The following FTCDNL1 variants were observed in gnomAD, a reference collection of about 807,000 sequenced individuals.
The protein encoded by FTCDNL1 is formiminotransferase N-terminal subdomain-containing protein.
A neutral mutation model predicts 5.9 loss-of-function variants in FTCDNL1; 11 were observed. The ratio of observed to expected loss-of-function variants is 1.87; its 90% CI spans 1.18 to 3.10. The LOEUF (loss-of-function observed/expected upper bound fraction) is 3.10. Among genes scored for constraint, FTCDNL1 ranks in the 30% most tolerant of loss-of-function variants. The pLI is 0.00. For synonymous variants in FTCDNL1, 58 were observed against 24.8 expected (o/e 2.34, Z -3.99); for missense variants, 115 against 65.5 (o/e 1.76, Z -2.61).
the FTCDNL1 span, among the ~76,000 whole-genome samples, chr2:199,674,181 G>T: frequency 6.6e-6 from 1 of 152,154 alleles, no homozygotes; most frequent in East Asian, 1.9e-4. Flanking sequence ...GAGGCTGGAA[G>T]AAGGAAGAAT....
At chr2:199,710,484 A>C in the FTCDNL1 span, among the ~76,000 whole-genome samples, 1 of 152,204 alleles carries the variant, frequency 6.6e-6, no homozygotes, top group South Asian at 2.1e-4. Flanking sequence ...TCAAGACTCT[A>C]AGCTTGGGAG....
At chr2:199,819,869 T>A (rs764465382) in intron 3 of FTCDNL1, 112 bp from the exon 4 acceptor site, 25 of 612,704 alleles carry the variant, frequency 4.1e-5, no homozygotes, top group Middle Eastern at 2.6e-4. Flanking sequence ...GAACTCATCA[T>A]TTTAGTCATT....
the FTCDNL1 span, among the ~76,000 whole-genome samples, chr2:199,736,789 A>G: frequency 6.6e-6 from 1 of 152,242 alleles, no homozygotes; most frequent in African/African-American, 2.4e-5. Context: ...AGACGCAGCT[A>G]CCCATACACT....
At chr2:199,775,880 C>T (rs564872075) in intron 3 of FTCDNL1, among the ~76,000 whole-genome samples, 45 of 150,984 alleles carry the variant, frequency 3.0e-4, no homozygotes, top group African/African-American at 9.2e-4. Flanking sequence ...GAAACCGGGG[C>T]TCAGAGCAGG....
At chr2:199,750,347 A>C in the FTCDNL1 span, among the ~76,000 whole-genome samples, 1 of 114,144 alleles carries the variant, frequency 8.8e-6, no homozygotes, top group Non-Finnish European at 1.8e-5. Flanking sequence ...GACAGAAAGA[A>C]ATGTTGTCTA....
At chr2:199,787,987 C>A (rs1441825061) in intron 3 of FTCDNL1, among the ~76,000 whole-genome samples, 1 of 152,152 alleles carries the variant, frequency 6.6e-6, no homozygotes, top group Non-Finnish European at 1.5e-5. Flanking sequence ...GATTTGTATT[C>A]CATGCAGAAA....
chr2:199,707,853 C>T, the FTCDNL1 span, among the ~76,000 whole-genome samples: 15 of 152,074 alleles, frequency 9.9e-5, no homozygotes, highest in Non-Finnish European at 2.1e-4. Context: ...CTATTTTTTT[C>T]TCCTCAATGC....
Position 199,821,281 on chromosome 2 carries a change from C to G in FTCDNL1, c.212-1524G>C, listed in dbSNP as rs190097476. Among the ~76,000 whole-genome samples, 366 of 150,518 alleles carry G rather than the reference C, an allele frequency of 2.4e-3. 1 individual carries two copies. The highest frequency in any genetic ancestry group is 4.1e-3 in the Non-Finnish European group (276 of 67,880). On this transcript the variant is annotated intron_variant, in intron 3 of 4. Transcript: ENST00000420128. ...TCTCCTGCCTCAGCCCACCATGTAG[C>G]TTGGATTACAGGCACGTGCCACCAA... is the stretch of plus-strand genomic sequence containing the variant.
At chr2:199,748,363 AT>A in the FTCDNL1 span, among the ~76,000 whole-genome samples, 5 of 151,440 alleles carry the variant, frequency 3.3e-5, no homozygotes, top group South Asian at 2.1e-4. Context: ...CTACATAGCT[AT>A]TTTTTTTTGA....
At chr2:199,768,075 A>G (rs1046499678) in intron 3 of FTCDNL1, among the ~76,000 whole-genome samples, 1 of 152,240 alleles carries the variant, frequency 6.6e-6, no homozygotes, top group African/African-American at 2.4e-5. Context: ...TACAATACAG[A>G]CAGTGAAGAG....
intron 3 of FTCDNL1, among the ~76,000 whole-genome samples, chr2:199,820,427 G>A (rs1701612804): frequency 6.6e-6 from 1 of 152,158 alleles, no homozygotes; most frequent in Admixed American, 6.5e-5. Context: ...AACATAGTTA[G>A]ACTCCTATCT....
chr2:199,836,001 G>A (rs1247564463), intron 3 of FTCDNL1, among the ~76,000 whole-genome samples: 2 of 152,150 alleles, frequency 1.3e-5, no homozygotes, highest in Non-Finnish European at 2.9e-5. Flanking sequence ...TGGCTGGGGA[G>A]GGGGCTCCTA....
chr2:199,670,757 A>AAG, the FTCDNL1 span, among the ~76,000 whole-genome samples: 4 of 152,168 alleles, frequency 2.6e-5, no homozygotes, highest in African/African-American at 9.7e-5. Context: ...AACATGGCAC[A>AAG]AGAGACACTA....
At chr2:199,807,484 A>T (rs1384891983), downstream of FTCDNL1, among the ~76,000 whole-genome samples, 1 of 152,044 alleles carries the variant, frequency 6.6e-6, no homozygotes, top group Non-Finnish European at 1.5e-5. Flanking sequence ...CTGGAAAAAA[A>T]AAAATAGCTG....
intron 3 of FTCDNL1, among the ~76,000 whole-genome samples, chr2:199,801,002 A>G (rs1042428400): frequency 1.3e-5 from 2 of 152,260 alleles, no homozygotes; most frequent in African/African-American, 2.4e-5. Flanking sequence ...GCCAATAACT[A>G]GAAAGATTTT....
the FTCDNL1 span, among the ~76,000 whole-genome samples, chr2:199,674,736 A>G: frequency 1.3e-5 from 2 of 152,188 alleles, no homozygotes; most frequent in East Asian, 1.9e-4. Context: ...CTACAAATTT[A>G]TTTACAAAGA....
chr2:199,700,748 A>C, the FTCDNL1 span, among the ~76,000 whole-genome samples: 14 of 152,314 alleles, frequency 9.2e-5, no homozygotes, highest in East Asian at 2.7e-3. Flanking sequence ...ACCTGCAACT[A>C]TCTGATCTTT....
the FTCDNL1 span, among the ~76,000 whole-genome samples, chr2:199,740,955 C>T: frequency 6.6e-6 from 1 of 152,166 alleles, no homozygotes; most frequent in Non-Finnish European, 1.5e-5. Flanking sequence ...TGCCAGCTTC[C>T]TGCAGTGTCT....
chr2:199,802,252 T>G (rs1319554722), intron 3 of FTCDNL1, among the ~76,000 whole-genome samples: 1 of 152,146 alleles, frequency 6.6e-6, no homozygotes, highest in African/African-American at 2.4e-5. Context: ...TCCATACAAG[T>G]GAGGGCACCT....
Sources: allele counts gnomAD v4.1 joint callset (sites outside exome capture counted in the v4.1 genomes callset), GRCh38; gene constraint gnomAD v4.1.1; transcripts MANE v1.5; gene names NCBI Gene and HGNC (gene_info 2026-07-23, HGNC 2026-07-21).